Variants in TNS4 observed in about 807,000 individuals in gnomAD.
TNS4 encodes tensin-4.
In TNS4, 46 loss-of-function variants were observed where a neutral mutation model predicts 70.4. The observed-to-expected ratio is 0.65, with a 90% CI of 0.52 to 0.84. The LOEUF (loss-of-function observed/expected upper bound fraction) is 0.84. Ranked by LOEUF, TNS4 falls within the 40% of genes least tolerant of loss-of-function variation. The pLI is 0.00. For synonymous variants in TNS4, 390 were observed against 366.6 expected, an observed-to-expected ratio of 1.06 and a Z score of -0.73; for missense variants, 863 against 907.0, an observed-to-expected ratio of 0.95 and a Z score of 0.62.
chr17:40,491,116 T>A (rs1164243508), intron 2 of TNS4, among the ~76,000 whole-genome samples: 1 of 152,188 alleles, frequency 6.6e-6, no homozygotes, highest in Non-Finnish European at 1.5e-5. Context: ...AAGCACAACT[T>A]CAATTTTTAT....
intron 1 of TNS4, among the ~76,000 whole-genome samples, chr17:40,496,741 A>C (rs2036150648): frequency 6.6e-6 from 1 of 152,208 alleles, no homozygotes; most frequent in Non-Finnish European, 1.5e-5. Context: ...AAAACAAGTT[A>C]ATCATTGTAA....
chr17:40,488,411 A>T, intron 3 of TNS4, 135 bp downstream of exon 3: 1 of 776,136 alleles, frequency 1.3e-6, no homozygotes, highest in Non-Finnish European at 1.9e-6. Context: ...CTGTAAAAGC[A>T]AACATTTGCT....
intron 6 of TNS4, 54 bp from the exon 7 acceptor site, chr17:40,482,470 G>C (rs540086424): frequency 1.3e-6 from 2 of 1,578,454 alleles, no homozygotes; most frequent in Non-Finnish European, 1.7e-6. Flanking sequence ...GTGGCCGGGC[G>C]CGGTGGCTCA....
chr17:40,494,169 C>G (rs2143824029), intron 2 of TNS4, among the ~76,000 whole-genome samples: 1 of 152,212 alleles, frequency 6.6e-6, no homozygotes, highest in East Asian at 1.9e-4. Context: ...CAACGTGCAA[C>G]CCCAATGTTT....
At chr17:40,478,428 C>A in intron 11 of TNS4, 95 bp from the exon 12 acceptor site, 1 of 1,533,042 alleles carries the variant, frequency 6.5e-7, no homozygotes, top group Non-Finnish European at 8.9e-7. Flanking sequence ...CGTCCCCACC[C>A]CACCATGCCC....
At position 40,478,687 on chromosome 17, in the gene TNS4, C is replaced by T. The variant is rs902810382; in HGVS notation, c.1911-39G>A. On this transcript the variant is annotated intron_variant, in intron 10 of 12. Coordinates refer to ENST00000254051, the MANE Select transcript of TNS4 (RefSeq NM_032865.6). ...GGGAGAGAAGGGAAGCGATGACAGC[C>T]TGTCCCAGTGTCATCCTGCCTCCAG... 4 of 1,602,880 alleles carry T rather than the reference C, an allele frequency of 2.5e-6. No individual in the cohort carries two copies. The Admixed American group carries it at 5.0e-5, about 20-fold the overall frequency.
chr17:40,497,558 G>C (rs1480055910), intron 1 of TNS4, among the ~76,000 whole-genome samples: 1 of 152,194 alleles, frequency 6.6e-6, no homozygotes, highest in African/African-American at 2.4e-5. Context: ...AGCCGAGATC[G>C]AGCCAATGCA....
At position 40,496,033 on chromosome 17, in the gene TNS4, G is replaced by T; in HGVS notation, c.393C>A (p.Ala131=). Residue 131 remains alanine (A), a synonymous_variant, in exon 2 of 13, where the codon GCC becomes GCA. Coordinates refer to ENST00000254051, the MANE Select transcript of TNS4 (RefSeq NM_032865.6). Reference sequence around the variant, plus strand: ...TCTTTCTCATTGACATGGTGCTCTGGGCCAGCTCAGCCTGGGAGCCCCCAG... The same window carrying T: ...TCTTTCTCATTGACATGGTGCTCTGTGCCAGCTCAGCCTGGGAGCCCCCAG... The part of the protein sequence containing the change: ...PGTGGSQAEL[A]QSTMSMRKKE... 6.2e-7 allele frequency: 1 copy of T among 1,613,532 alleles called. No individual in the cohort carries two copies. Among genetic ancestry groups the T allele is most frequent in the Non-Finnish European group, 8.5e-7 (1 of 1,179,816 alleles).
intron 4 of TNS4, among the ~76,000 whole-genome samples, chr17:40,485,726 C>A (rs1398526227): frequency 3.3e-5 from 5 of 152,206 alleles, no homozygotes; most frequent in Non-Finnish European, 7.3e-5. Context: ...TAAATGTGCG[C>A]TTTGGGATGC....
Position 40,482,115 on chromosome 17 carries a change from G to A in TNS4, c.1672+14C>T, listed in dbSNP as rs558340230. On this transcript the variant is annotated intron_variant, in intron 8 of 12. Transcript: ENST00000254051. ...CCCCCACCTTGGCATTGCCTCTTTG[G>A]GGCCCAGACCCACCTCTCTGTGGGA... 2 of 1,613,522 alleles carry A rather than the reference G, an allele frequency of 1.2e-6. No individual in the cohort carries two copies. Among genetic ancestry groups the A allele is most frequent in the East Asian group, 2.2e-5 (1 of 44,876 alleles).
chr17:40,492,508 C>A lies in TNS4; in HGVS notation c.439+3479G>T, dbSNP rs1010289981. ...CTCAGCCTCCCAATAGTTGGGACTA[C>A]AAGTTCATGCCATCACACCCAACTA... On this transcript the variant is annotated intron_variant, in intron 2 of 12. Transcript: ENST00000254051. 2.0e-5 allele frequency among the ~76,000 whole-genome samples: 3 copies of A among 151,994 alleles called. No individual in the cohort carries two copies. In the South Asian group the frequency reaches 6.2e-4, roughly 32 times the overall value.
In TNS4 at chr17:40,478,654, A is replaced by T; in HGVS notation, c.1911-6T>A. ...AATGGCGCCGGAAAAACACCCTAGG[A>T]GGAGGCGGGGAGAGAAGGGAAGCGA... is the stretch of plus-strand genomic sequence containing the variant. On this transcript the variant is annotated splice_region_variant and splice_polypyrimidine_tract_variant and intron_variant, in intron 10 of 12. Transcript: ENST00000254051. The T allele has an allele frequency of 6.2e-7, 1 of 1,613,948 alleles. No homozygotes were observed. The highest frequency in any genetic ancestry group is 8.5e-7 in the Non-Finnish European group (1 of 1,179,902).
At chr17:40,487,505 C>T (rs1433512133) in intron 3 of TNS4, 45 bp from the exon 4 acceptor site, 3 of 1,558,108 alleles carry the variant, frequency 1.9e-6, no homozygotes, top group Non-Finnish European at 1.7e-6. Context: ...CAACAGGTGG[C>T]TCAGGGGCTA....
rs1157753256 is a variant in TNS4, at chr17:40,479,752, C to T, written c.1832G>A (p.Arg611Lys). 1 of 1,614,074 alleles carries T rather than the reference C, an allele frequency of 6.2e-7. No homozygotes were observed. The highest frequency in any genetic ancestry group is 2.2e-5 in the East Asian group (1 of 44,874). ...VQKAISTTFE[R>K]DILPTPTVVH... ...CACGGTGGGCGTGGGGAGGATGTCC[C>T]TCTCAAAGGTGGTGGAGATGGCTTT... The change falls in exon 10 of 13, where the codon AGG becomes AAG. Residue 611 changes from arginine (R) to lysine (K), a missense_variant. By Grantham distance (26) the Arg-to-Lys change is conservative (BLOSUM62 2). Coordinates refer to ENST00000254051, the MANE Select transcript of TNS4 (RefSeq NM_032865.6).
At chr17:40,495,038 G>C (rs1448751143) in intron 2 of TNS4, among the ~76,000 whole-genome samples, 1 of 151,800 alleles carries the variant, frequency 6.6e-6, no homozygotes, top group Non-Finnish European at 1.5e-5. Flanking sequence ...GTGGTGCCCT[G>C]GAATTGGCTT....
chr17:40,482,081 CA>C, intron 8 of TNS4, 47 bp downstream of exon 8: 1 of 1,603,870 alleles, frequency 6.2e-7, no homozygotes. Context: ...CTAATGAGAA[CA>C]AACAGGTCCC....
At position 40,487,173 on chromosome 17, in the gene TNS4, C is replaced by A; in HGVS notation, c.1151G>T (p.Gly384Val). ...IVLINGCPEP[G>V]SSPPQRTPGH... ...TGGGGTCCGCTGGGGTGGAGAAGACCCTGGTTCTGGGCAGCCGTTGATCAG... is the reference window on the plus strand; with the variant it reads ...TGGGGTCCGCTGGGGTGGAGAAGACACTGGTTCTGGGCAGCCGTTGATCAG... The change falls in exon 4 of 13, where the codon GGG becomes GTG. Residue 384 changes from glycine (G) to valine (V), a missense_variant. Coordinates refer to ENST00000254051, the MANE Select transcript of TNS4 (RefSeq NM_032865.6). 2 of 1,614,072 alleles carry A rather than the reference C, an allele frequency of 1.2e-6. No homozygotes were observed. The highest frequency in any genetic ancestry group is 2.2e-5 in the East Asian group (1 of 44,874).
chr17:40,480,068 C>G (rs2035901530), intron 9 of TNS4: 1 of 564,388 alleles, frequency 1.8e-6, no homozygotes, highest in East Asian at 3.0e-5. Flanking sequence ...CCTGGCCCTC[C>G]AGCATGGGGC....
intron 6 of TNS4, among the ~76,000 whole-genome samples, chr17:40,483,855 A>C (rs2035958133): frequency 6.6e-6 from 1 of 152,212 alleles, no homozygotes; most frequent in Admixed American, 6.5e-5. Flanking sequence ...GTTAAATAAG[A>C]AGGTGCAATC....
Sources: gnomAD v4.1 joint callset for allele counts (sites outside exome capture counted in the v4.1 genomes callset) on GRCh38, gnomAD v4.1.1 for gene constraint, MANE v1.5 for transcripts, NCBI Gene and HGNC (gene_info 2026-07-23, HGNC 2026-07-21) for gene names.